Variants in CDCA7L observed in about 807,000 individuals in gnomAD.
CDCA7L encodes cell division cycle associated 7 like, also known as cell division cycle-associated 7-like protein.
CDCA7L carries 44 observed loss-of-function variants against 57.4 expected under a neutral mutation model. The ratio of observed to expected loss-of-function variants is 0.77; its 90% CI spans 0.60 to 0.98. The LOEUF is 0.98. Among genes scored for constraint, CDCA7L ranks in the 50% least tolerant of loss-of-function variants. The probability of loss-of-function intolerance (pLI) is 0.00; values close to 1 mark genes in which losing one functional copy is unlikely to be tolerated. For synonymous variants in CDCA7L, 236 were observed against 202.8 expected (o/e 1.16, Z -1.39); for missense variants, 644 against 580.6 (o/e 1.11, Z -1.12).
At chr7:21,940,097 G>A (rs1488594634) in intron 1 of CDCA7L, among the ~76,000 whole-genome samples, 1 of 152,122 alleles carries the variant, frequency 6.6e-6, no homozygotes, top group African/African-American at 2.4e-5. Context: ...GCAGAATGCT[G>A]ACAGATGCAG....
At chr7:21,902,550 C>T (rs528933005) in intron 9 of CDCA7L, 198 bp from the exon 10 acceptor site, 22 of 552,132 alleles carry the variant, frequency 4.0e-5, no homozygotes, top group Admixed American at 6.3e-5. Context: ...GCCTCACTCC[C>T]GCATTCCAGA....
chr7:21,905,171 A>G (rs1215635249), intron 7 of CDCA7L, among the ~76,000 whole-genome samples: 2 of 152,192 alleles, frequency 1.3e-5, no homozygotes, highest in Non-Finnish European at 2.9e-5. Flanking sequence ...TTCTATGGTT[A>G]TATTACCCCC....
chr7:21,926,814 A>C (rs1240969752), intron 1 of CDCA7L, among the ~76,000 whole-genome samples: 1 of 152,234 alleles, frequency 6.6e-6, no homozygotes, highest in Non-Finnish European at 1.5e-5. Context: ...TTGAGGCTGC[A>C]GTGAGCTGTG....
chr7:21,926,939 C>T (rs541986476), intron 1 of CDCA7L, among the ~76,000 whole-genome samples: 31 of 152,098 alleles, frequency 2.0e-4, no homozygotes, highest in Non-Finnish European at 3.7e-4. Context: ...GGAAAAAAGC[C>T]ACACACAGGT....
At chr7:21,924,051 G>A (rs1179689774) in intron 1 of CDCA7L, among the ~76,000 whole-genome samples, 2 of 152,158 alleles carry the variant, frequency 1.3e-5, no homozygotes, top group African/African-American at 4.8e-5. Context: ...ATTTTAACGT[G>A]AAGTATTGTT....
intron 1 of CDCA7L, among the ~76,000 whole-genome samples, chr7:21,927,552 T>A (rs936954007): frequency 2.0e-5 from 3 of 151,900 alleles, no homozygotes; most frequent in Non-Finnish European, 4.4e-5. Flanking sequence ...CACACCAATA[T>A]AGGAATGATG....
intron 2 of CDCA7L, among the ~76,000 whole-genome samples, chr7:21,914,699 G>A (rs898647389): frequency 6.6e-6 from 1 of 152,196 alleles, no homozygotes; most frequent in Non-Finnish European, 1.5e-5. Flanking sequence ...GAACATCCCA[G>A]CTTGGTACTT....
chr7:21,901,402 G>GAAAAAAATACTAGAAACTAACT lies in CDCA7L; in HGVS notation c.*898_*919dup. The stretch of plus-strand genomic sequence containing the variant: ...AACGCTATCCTTAGAGTGAAAGTCA[G>GAAAAAAATACTAGAAACTAACT]AAAAAAATACTAGAAACTAACTCAG... On this transcript the variant is annotated 3_prime_UTR_variant, in exon 10 of 10. Coordinates refer to ENST00000406877, the MANE Select transcript of CDCA7L (RefSeq NM_018719.5). The GAAAAAAATACTAGAAACTAACT allele has an allele frequency of 8.7e-7, 1 of 1,154,726 alleles. No individual in the cohort carries two copies. The highest frequency in any genetic ancestry group is 1.1e-6 in the Non-Finnish European group (1 of 887,798). 71.5% of individuals were successfully genotyped at this position (1,154,726 alleles called of 1,614,324 possible). A position where few individuals can be genotyped will look rare whatever the true frequency, so the allele number is the denominator to read the frequency against.
chr7:21,901,496 G>A lies in CDCA7L; in HGVS notation c.*826C>T, dbSNP rs941705415. On this transcript the variant is annotated 3_prime_UTR_variant, in exon 10 of 10. Transcript: ENST00000406877. ...AGGTAGGAGAATCACTTGAACCTAG[G>A]AGGCAAAGGTTGCAGTGAGCCGAGG... The A allele has an allele frequency of 5.1e-6, 2 of 391,522 alleles. No individual in the cohort carries two copies. The highest frequency in any genetic ancestry group is 4.2e-5 in the African/African-American group (2 of 48,118). The allele number at this position is 391,522 out of a possible 1,614,324, so 24.3% of individuals were successfully genotyped here. A position where few individuals can be genotyped will look rare whatever the true frequency, so the allele number is the denominator to read the frequency against.
chr7:21,920,715 A>C (rs1362514600), intron 1 of CDCA7L, among the ~76,000 whole-genome samples: 1 of 152,202 alleles, frequency 6.6e-6, no homozygotes, highest in Non-Finnish European at 1.5e-5. Flanking sequence ...TATGTTAAAC[A>C]ATGTTTGCCA....
At chr7:21,925,275 G>C (rs966441541) in intron 1 of CDCA7L, among the ~76,000 whole-genome samples, 1 of 152,142 alleles carries the variant, frequency 6.6e-6, no homozygotes, top group African/African-American at 2.4e-5. Context: ...AAAGTCCTCA[G>C]CCTACCTAGT....
chr7:21,904,376 A>C, intron 7 of CDCA7L, 117 bp from the exon 8 acceptor site: 2 of 1,050,958 alleles, frequency 1.9e-6, no homozygotes, highest in East Asian at 2.8e-5. Flanking sequence ...TCCTCGAATC[A>C]AGCAGGACTG....
intron 2 of CDCA7L, among the ~76,000 whole-genome samples, chr7:21,913,064 G>T (rs1210013169): frequency 1.3e-5 from 2 of 151,964 alleles, no homozygotes; most frequent in Non-Finnish European, 2.9e-5. Context: ...ATGACCCCTT[G>T]TAACACCACA....
Position 21,923,285 on chromosome 7 carries a change from T to G in CDCA7L, c.25-6391A>C, listed in dbSNP as rs139266402. On this transcript the variant is annotated intron_variant, in intron 1 of 9. Transcript: ENST00000406877. The stretch of plus-strand genomic sequence containing the variant: ...AGGAAGATCACTTGACCCCAGGGGT[T>G]TGAGACCAGCCTAGGCAACATGGTG... Among the ~76,000 whole-genome samples the G allele has an allele frequency of 1.1e-3, 164 of 152,240 alleles. 1 individual carries two copies. Among genetic ancestry groups the G allele is most frequent in the Middle Eastern group, 3.4e-3 (1 of 294 alleles).
intron 1 of CDCA7L, among the ~76,000 whole-genome samples, chr7:21,935,469 G>T (rs911865278): frequency 1.3e-5 from 2 of 151,800 alleles, no homozygotes; most frequent in African/African-American, 4.8e-5. Flanking sequence ...TACACATTAG[G>T]GGAACAGGAA....
In CDCA7L at chr7:21,945,869, C is replaced by T; in HGVS notation, c.-65G>A. 2 of 1,536,494 alleles carry T rather than the reference C, an allele frequency of 1.3e-6. No homozygotes were observed. Among genetic ancestry groups the T allele is most frequent in the South Asian group, 1.2e-5 (1 of 83,394 alleles). On this transcript the variant is annotated 5_prime_UTR_variant, in exon 1 of 10. Transcript: ENST00000406877. The stretch of plus-strand genomic sequence containing the variant: ...CACGGGAGCCCGGACTCACCACGGC[C>T]CGGCGCACCAAGAACGCCCCGCGCC...
rs987215016 is a variant in CDCA7L at position 21,905,449 on chromosome 7, A to T, written c.1047+57T>A. The T allele has an allele frequency of 2.5e-6, 4 of 1,578,250 alleles. No homozygotes were observed. The African/African-American group carries it at 5.4e-5, about 21-fold the overall frequency. The stretch of plus-strand genomic sequence containing the variant: ...CTGATAGAGTTTAAAAACAAGTGAG[A>T]TTTCAATACCAATGCCTTCGACTCC... On this transcript the variant is annotated intron_variant, in intron 7 of 9. Coordinates refer to ENST00000406877, the MANE Select transcript of CDCA7L (RefSeq NM_018719.5).
At chr7:21,926,721 T>A (rs1785841806) in intron 1 of CDCA7L, among the ~76,000 whole-genome samples, 2 of 152,060 alleles carry the variant, frequency 1.3e-5, no homozygotes, top group South Asian at 2.1e-4. Context: ...AAATGTTTTT[T>A]AATTACCTAG....
At chr7:21,934,032 A>G (rs1367060634) in intron 1 of CDCA7L, among the ~76,000 whole-genome samples, 6 of 152,162 alleles carry the variant, frequency 3.9e-5, no homozygotes, top group Non-Finnish European at 8.8e-5. Context: ...GGCATTTGCA[A>G]CAGAAAATGC....
Sources: allele counts gnomAD v4.1 joint callset (sites outside exome capture counted in the v4.1 genomes callset), GRCh38; gene constraint gnomAD v4.1.1; transcripts MANE v1.5; gene names NCBI Gene and HGNC (gene_info 2026-07-23, HGNC 2026-07-21).